Variants in TDP1 observed in about 807,000 individuals in gnomAD.
TDP1 encodes tyr-DNA phosphodiesterase 1.
TDP1 carries 64 observed loss-of-function variants against 81.5 expected under a neutral mutation model. The observed-to-expected ratio is 0.79, with a 90% confidence interval of 0.64 to 0.97. The LOEUF is 0.97. TDP1 is among the 50% of genes least tolerant of loss of function. The probability of loss-of-function intolerance (pLI) is 0.00; values close to 1 mark genes in which losing one functional copy is unlikely to be tolerated. For missense variants in TDP1, 723 were observed against 743.8 expected, an observed-to-expected ratio of 0.97 and a Z score of 0.33; for synonymous variants, 256 against 264.3, an observed-to-expected ratio of 0.97 and a Z score of 0.30.
At chr14:89,961,191 T>A (rs116567673) in intron 2 of TDP1, among the ~76,000 whole-genome samples, 2,219 of 152,302 alleles carry the variant, frequency 0.015, 52 homozygotes, top group African/African-American at 0.05. Context: ...AACATTTGAA[T>A]GAATTACAAT....
chr14:90,032,707 C>G (rs1887421612), intron 15 of TDP1: 3 of 982,466 alleles, frequency 3.1e-6, no homozygotes, highest in Non-Finnish European at 1.2e-6. Flanking sequence ...TTTCTTCTTA[C>G]TCCAGGCAGC....
At chr14:90,004,016 G>T (rs1329362567) in intron 14 of TDP1, among the ~76,000 whole-genome samples, 1 of 152,156 alleles carries the variant, frequency 6.6e-6, no homozygotes. Context: ...GCCTGGCCCT[G>T]TGGCTCTAAG....
chr14:90,042,708 CT>C (rs1230134390), intron 16 of TDP1: 2 of 184,858 alleles, frequency 1.1e-5, no homozygotes, highest in Non-Finnish European at 2.0e-5. Flanking sequence ...ACCATCAGAT[CT>C]TGTGTGAGAC....
At chr14:90,010,014 C>T (rs189364757) in intron 14 of TDP1, among the ~76,000 whole-genome samples, 20 of 152,246 alleles carry the variant, frequency 1.3e-4, no homozygotes, top group African/African-American at 2.4e-4. Context: ...TAAGTGAGAA[C>T]GCTAAAGCTA....
In TDP1 at chr14:89,955,965, C is replaced by T. The variant is rs992849279; in HGVS notation, c.-236C>T. 1.3e-5 allele frequency: 2 copies of T among 152,536 alleles called. No individual in the cohort carries two copies. The highest frequency in any genetic ancestry group is 2.4e-5 in the African/African-American group (1 of 41,474). The allele number at this position is 152,536 out of a possible 1,614,324, so 9.4% of individuals were successfully genotyped here. A position where few individuals can be genotyped will look rare whatever the true frequency, so the allele number is the denominator to read the frequency against. Reference sequence around the variant, plus strand: ...CCGAGGCAAGCGTTGGTTCTGTGCGCCTCAGGTACGTGTTGGGCGGCAGTG... The same window carrying T: ...CCGAGGCAAGCGTTGGTTCTGTGCGTCTCAGGTACGTGTTGGGCGGCAGTG... On this transcript the variant is annotated 5_prime_UTR_variant, in exon 1 of 17. Transcript: ENST00000335725.
chr14:89,965,892 A>G, intron 3 of TDP1: 1 of 982,610 alleles, frequency 1.0e-6, no homozygotes, highest in Non-Finnish European at 1.2e-6. Context: ...AAACTTGATC[A>G]ATCATTCAGT....
chr14:90,005,127 G>A (rs1897547953), intron 14 of TDP1, among the ~76,000 whole-genome samples: 1 of 152,178 alleles, frequency 6.6e-6, no homozygotes, highest in Admixed American at 6.5e-5. Context: ...GGACTATTCA[G>A]TCTTACTGGC....
At chr14:90,008,934 T>C (rs1884369765) in intron 14 of TDP1, among the ~76,000 whole-genome samples, 1 of 152,210 alleles carries the variant, frequency 6.6e-6, no homozygotes, top group Non-Finnish European at 1.5e-5. Flanking sequence ...GTCTCAAGCC[T>C]CTGGCCTCAA....
intron 2 of TDP1, 70 bp from the exon 3 acceptor site, chr14:89,963,038 G>T: frequency 6.2e-7 from 1 of 1,610,992 alleles, no homozygotes; most frequent in South Asian, 1.1e-5. Flanking sequence ...GGGAAGTTGA[G>T]AGCAATAAAG....
intron 8 of TDP1, chr14:89,984,024 A>G (rs1372786230): frequency 4.3e-6 from 3 of 697,124 alleles, no homozygotes; most frequent in Non-Finnish European, 5.3e-6. Context: ...GATTTTTCAC[A>G]TGCACTTTTG....
chr14:89,984,099 A>G (rs922908496), intron 8 of TDP1: 1 of 985,376 alleles, frequency 1.0e-6, no homozygotes, highest in Non-Finnish European at 1.2e-6. Flanking sequence ...GACAAGGGCA[A>G]ATTCTTGCTT....
chr14:90,021,285 T>G (rs1460895720), intron 15 of TDP1, among the ~76,000 whole-genome samples: 1 of 152,248 alleles, frequency 6.6e-6, no homozygotes, highest in Non-Finnish European at 1.5e-5. Flanking sequence ...GTTATAAGAT[T>G]TCAGCTTTAT....
chr14:90,038,961 C>T (rs1888095994), intron 16 of TDP1, among the ~76,000 whole-genome samples: 2 of 151,452 alleles, frequency 1.3e-5, no homozygotes, highest in South Asian at 4.2e-4. Context: ...TTGGCCATCT[C>T]CTTTAGTAAA....
chr14:89,979,058 T>C (rs1360433897), intron 7 of TDP1, among the ~76,000 whole-genome samples: 2 of 151,418 alleles, frequency 1.3e-5, no homozygotes, highest in Non-Finnish European at 2.9e-5. Flanking sequence ...TTGCCATGTG[T>C]GAATTGAGTT....
At chr14:89,985,090 A>C (rs1365281534) in intron 9 of TDP1, 42 bp from the exon 10 acceptor site, 1 of 1,499,720 alleles carries the variant, frequency 6.7e-7, no homozygotes, top group Non-Finnish European at 9.2e-7. Context: ...TGCCCAAAGC[A>C]CATCACTATA....
At position 89,988,909 on chromosome 14, in the gene TDP1, T is replaced by G; in HGVS notation, c.1136T>G (p.Leu379Arg). 6.2e-7 allele frequency: 1 copy of G among 1,614,116 alleles called. No homozygotes were observed. Among genetic ancestry groups the G allele is most frequent in the Non-Finnish European group, 8.5e-7 (1 of 1,179,956 alleles). Residue 379 changes from leucine (L) to arginine (R), a missense_variant, in exon 11 of 17, where the codon CTG (leucine) becomes CGG (arginine). By Grantham distance (102) the Leu-to-Arg change is moderately radical. Coordinates refer to ENST00000335725, the MANE Select transcript of TDP1 (RefSeq NM_018319.4). ...NWGHFRLKKL[L>R]KDHASSMPNA... is the part of the protein sequence containing the mutation. Reference sequence around the variant, plus strand: ...TTCACTTTTATTCTTTCCCAGCTTCTGAAAGACCATGCCTCATCCATGCCT... The same window carrying G: ...TTCACTTTTATTCTTTCCCAGCTTCGGAAAGACCATGCCTCATCCATGCCT...
At chr14:89,967,637 C>G (rs944836509) in intron 5 of TDP1, among the ~76,000 whole-genome samples, 11 of 152,174 alleles carry the variant, frequency 7.2e-5, no homozygotes, top group Non-Finnish European at 1.5e-5. Context: ...TTCCTCTGTG[C>G]TCTTTCAGGA....
intron 12 of TDP1, among the ~76,000 whole-genome samples, chr14:89,990,908 G>T (rs1321585048): frequency 1.3e-5 from 2 of 152,086 alleles, no homozygotes. Flanking sequence ...AAATGAGCAA[G>T]CATTGACTTC....
At chr14:89,958,051 C>G (rs1214507604) in intron 2 of TDP1, among the ~76,000 whole-genome samples, 1 of 152,170 alleles carries the variant, frequency 6.6e-6, no homozygotes, top group Non-Finnish European at 1.5e-5. Context: ...CAAGTGCTGG[C>G]CCAGTCACAG....
Sources: gnomAD v4.1 joint callset for allele counts (sites outside exome capture counted in the v4.1 genomes callset) on GRCh38, gnomAD v4.1.1 for gene constraint, MANE v1.5 for transcripts, NCBI Gene and HGNC (gene_info 2026-07-23, HGNC 2026-07-21) for gene names.